The following ANK3 variants were observed in gnomAD, a reference collection of about 807,000 sequenced individuals.
The protein encoded by ANK3 is ankyrin 3, also known as ankyrin-3.
Under a neutral mutation model 370.9 loss-of-function variants are expected in ANK3, and 57 were observed. That is an observed-to-expected ratio of 0.15 (90% CI 0.12 to 0.19). The LOEUF (loss-of-function observed/expected upper bound fraction) is 0.19. Among genes scored for constraint, ANK3 ranks in the 10% least tolerant of loss-of-function variants. The probability of loss-of-function intolerance (pLI) is 1.00; values close to 1 mark genes in which losing one functional copy is unlikely to be tolerated. For missense variants in ANK3, 4,439 were observed against 5,302.1 expected (o/e 0.84, Z 5.06); for synonymous variants, 1,929 against 1,946.3 (o/e 0.99, Z 0.23).
intron 9 of ANK3, among the ~76,000 whole-genome samples, chr10:60,211,225 CT>C (rs1236762727): frequency 6.6e-6 from 1 of 152,168 alleles, no homozygotes; most frequent in Non-Finnish European, 1.5e-5. Context: ...AGTCAGGTAA[CT>C]GCCTCCTGCT....
chr10:60,349,616 T>G (rs2056455276), intron 1 of ANK3, among the ~76,000 whole-genome samples: 1 of 152,180 alleles, frequency 6.6e-6, no homozygotes, highest in South Asian at 2.1e-4. Flanking sequence ...CTCAAATTCT[T>G]TGGCTACGAA....
chr10:60,145,172 C>T (rs904794149), intron 23 of ANK3, among the ~76,000 whole-genome samples: 5 of 152,072 alleles, frequency 3.3e-5, no homozygotes, highest in Non-Finnish European at 7.4e-5. Flanking sequence ...CAGAATCTCC[C>T]ATTATAAAGT....
At chr10:60,570,749 A>G (rs74318560) in intron 2 of ANK3, among the ~76,000 whole-genome samples, 2,415 of 152,256 alleles carry the variant, frequency 0.016, 31 homozygotes, top group Non-Finnish European at 0.028. Flanking sequence ...GAATGAAGGA[A>G]GAAGGGCTCA....
chr10:60,466,176 G>T (rs2065008194), intron 2 of ANK3, among the ~76,000 whole-genome samples: 1 of 152,164 alleles, frequency 6.6e-6, no homozygotes, highest in Non-Finnish European at 1.5e-5. Flanking sequence ...ACTGGTTTAA[G>T]TAGGGCCTTT....
intron 2 of ANK3, among the ~76,000 whole-genome samples, chr10:60,437,667 G>T (rs1479959819): frequency 6.6e-6 from 1 of 152,186 alleles, no homozygotes; most frequent in Non-Finnish European, 1.5e-5. Flanking sequence ...GAAGGATATG[G>T]TAGAAAGGAT....
At chr10:60,083,923 CTT>C (rs60709810) in intron 32 of ANK3, 1,115 of 149,116 alleles carry the variant, frequency 7.5e-3, no homozygotes, top group South Asian at 0.013. Flanking sequence ...ATTTTGAAAG[CTT>C]TTTTTTTTTT....
chr10:60,082,040 A>C, intron 35 of ANK3, 110 bp downstream of exon 35: 1 of 826,906 alleles, frequency 1.2e-6, no homozygotes, highest in Non-Finnish European at 1.9e-6. Context: ...TTAAGACCTG[A>C]AAAATATAAT....
chr10:60,374,684 A>G (rs2060530226), intron 1 of ANK3, among the ~76,000 whole-genome samples: 1 of 152,230 alleles, frequency 6.6e-6, no homozygotes, highest in Admixed American at 6.5e-5. Flanking sequence ...GAAACCCAGG[A>G]GAGTAGAAAA....
chr10:60,712,799 C>T (rs1426630513), intron 1 of ANK3, among the ~76,000 whole-genome samples: 5 of 152,082 alleles, frequency 3.3e-5, no homozygotes, highest in African/African-American at 1.2e-4. Flanking sequence ...CAAATGACAG[C>T]TGATGTAGCT....
chr10:60,311,494 A>AAAG (rs1555273347), intron 1 of ANK3, among the ~76,000 whole-genome samples: 1 of 143,078 alleles, frequency 7.0e-6, no homozygotes, highest in African/African-American at 2.5e-5. Context: ...AAAAAAAAAA[A>AAAG]AGAGAGAGAG....
chr10:60,326,779 C>A (rs1195654529), intron 1 of ANK3, among the ~76,000 whole-genome samples: 2 of 152,038 alleles, frequency 1.3e-5, no homozygotes, highest in Non-Finnish European at 2.9e-5. Flanking sequence ...CCCAGCACTT[C>A]AGGAGGCCGA....
intron 1 of ANK3, among the ~76,000 whole-genome samples, chr10:60,378,036 T>G (rs2061040251): frequency 6.6e-6 from 1 of 152,170 alleles, no homozygotes; most frequent in Non-Finnish European, 1.5e-5. Context: ...AATTTAGTAG[T>G]TTTTGCCAAG....
At chr10:60,038,972 C>A (rs1172933680) in intron 43 of ANK3, among the ~76,000 whole-genome samples, 1 of 152,144 alleles carries the variant, frequency 6.6e-6, no homozygotes, top group Non-Finnish European at 1.5e-5. Flanking sequence ...TCAGAGAGAC[C>A]TTCCCTAGCC....
chr10:60,169,337 T>C (rs2095710427), intron 21 of ANK3, among the ~76,000 whole-genome samples: 1 of 151,328 alleles, frequency 6.6e-6, no homozygotes, highest in Admixed American at 6.6e-5. Context: ...TAGTCAGATA[T>C]GTCCATCAAC....
chr10:60,444,429 C>CATGTGT (rs1555373989), intron 2 of ANK3, among the ~76,000 whole-genome samples: 1 of 148,078 alleles, frequency 6.8e-6, no homozygotes, highest in Non-Finnish European at 1.5e-5. Flanking sequence ...ATATAACATA[C>CATGTGT]GTGTGTGTGT....
chr10:60,245,921 T>C (rs1002980292), intron 7 of ANK3, among the ~76,000 whole-genome samples: 1 of 152,164 alleles, frequency 6.6e-6, no homozygotes, highest in African/African-American at 2.4e-5. Context: ...AAGTATAAAA[T>C]AAACTCAGAA....
chr10:60,429,101 T>G (rs1384975072), intron 2 of ANK3, among the ~76,000 whole-genome samples: 1 of 152,162 alleles, frequency 6.6e-6, no homozygotes, highest in Non-Finnish European at 1.5e-5. Context: ...CCATCTCAGG[T>G]ATTTTATGAC....
intron 2 of ANK3, among the ~76,000 whole-genome samples, chr10:60,420,125 G>T (rs943938279): frequency 2.0e-5 from 3 of 152,106 alleles, no homozygotes; most frequent in Non-Finnish European, 4.4e-5. Flanking sequence ...CACCAGAGCA[G>T]CTCTGTTTAT....
chr10:60,643,120 C>A (rs111310223), intron 1 of ANK3, among the ~76,000 whole-genome samples: 2,076 of 152,016 alleles, frequency 0.014, 15 homozygotes, highest in Middle Eastern at 0.034. Flanking sequence ...GGTGACAGAC[C>A]GTGATGGTTA....
Sources: gnomAD v4.1 joint callset for allele counts (sites outside exome capture counted in the v4.1 genomes callset) on GRCh38, gnomAD v4.1.1 for gene constraint, MANE v1.5 for transcripts, NCBI Gene and HGNC (gene_info 2026-07-23, HGNC 2026-07-21) for gene names.